The following CCDC88C variants were observed in gnomAD, a reference collection of about 807,000 sequenced individuals.
CCDC88C encodes protein Daple.
A neutral mutation model predicts 198.8 loss-of-function variants in CCDC88C; 131 were observed. The ratio of observed to expected loss-of-function variants is 0.66; its 90% CI spans 0.57 to 0.76. The LOEUF (loss-of-function observed/expected upper bound fraction) is 0.76, where lower values mean the gene tolerates loss of function less well. Ranked by LOEUF, CCDC88C falls within the 30% of genes least tolerant of loss-of-function variation. CCDC88C has a pLI of 0.00. For missense variants in CCDC88C, 2,553 were observed against 2,631.6 expected (o/e 0.97, Z 0.65); for synonymous variants, 1,166 against 1,114.7 (o/e 1.05, Z -0.92).
At position 91,285,922 on chromosome 14, in the gene CCDC88C, C is replaced by G. The variant is rs966544953; in HGVS notation, c.4442-2405G>C. The G allele has an allele frequency of 3.9e-6, 3 of 776,262 alleles. No homozygotes were observed. The African/African-American group carries it at 5.5e-5, about 14-fold the overall frequency. 48.1% of individuals were successfully genotyped at this position (776,262 alleles called of 1,614,324 possible). A position where few individuals can be genotyped will look rare whatever the true frequency, so the allele number is the denominator to read the frequency against. On this transcript the variant is annotated intron_variant, in intron 25 of 29. Coordinates refer to ENST00000389857, the MANE Select transcript of CCDC88C (RefSeq NM_001080414.4). The stretch of plus-strand genomic sequence containing the variant: ...AAATGAACAATAATGACAAATGAAT[C>G]GAAATTAGCTAAATGTACTTAAGAA...
At chr14:91,281,619 G>A (rs546197796) in intron 26 of CCDC88C, 94 bp from the exon 27 acceptor site, 9 of 1,061,826 alleles carry the variant, frequency 8.5e-6, no homozygotes, top group Non-Finnish European at 1.3e-5. Context: ...GATCCCAGTA[G>A]CTCCAGCTCT....
intron 4 of CCDC88C, among the ~76,000 whole-genome samples, chr14:91,344,735 G>A (rs1893454321): frequency 6.6e-6 from 1 of 151,250 alleles, no homozygotes; most frequent in South Asian, 2.1e-4. Flanking sequence ...TCCTGACCTC[G>A]TGATCCGCCC....
chr14:91,353,524 G>A (rs1199460259), intron 4 of CCDC88C, among the ~76,000 whole-genome samples: 1 of 152,218 alleles, frequency 6.6e-6, no homozygotes, highest in African/African-American at 2.4e-5. Context: ...CTCCTTTTGT[G>A]AGCCTCTGGC....
chr14:91,303,994 A>C lies in CCDC88C; in HGVS notation c.3358-16T>G. 6.3e-7 allele frequency: 1 copy of C among 1,592,562 alleles called. No homozygotes were observed. Among genetic ancestry groups the C allele is most frequent in the Non-Finnish European group, 8.5e-7 (1 of 1,171,774 alleles). On this transcript the variant is annotated splice_polypyrimidine_tract_variant and intron_variant, in intron 19 of 29. Transcript: ENST00000389857. ...AGTTCTCCACCTGCCGAGAGGGAGA[A>C]GCGCGGCGTGGCGCAGGCCCCACAG... is the stretch of plus-strand genomic sequence containing the variant.
intron 2 of CCDC88C, among the ~76,000 whole-genome samples, chr14:91,415,352 T>C (rs1285842): frequency 0.12 from 18,205 of 150,988 alleles, 2,110 homozygotes; most frequent in East Asian, 0.5. Flanking sequence ...TGACTTTTTT[T>C]CCTACACCCA....
At chr14:91,389,811 G>T (rs976023188) in intron 3 of CCDC88C, among the ~76,000 whole-genome samples, 1 of 151,206 alleles carries the variant, frequency 6.6e-6, no homozygotes, top group Non-Finnish European at 1.5e-5. Flanking sequence ...GGTGGCTCAC[G>T]CCTGTAATCC....
intron 3 of CCDC88C, among the ~76,000 whole-genome samples, chr14:91,398,170 T>C (rs1377945199): frequency 6.6e-6 from 1 of 152,188 alleles, no homozygotes; most frequent in Non-Finnish European, 1.5e-5. Context: ...TCCTCGCTGC[T>C]ATCTGATATG....
Position 91,271,815 on chromosome 14 carries a change from G to A in CCDC88C, c.*810C>T, listed in dbSNP as rs1889746370. ...CGCTCTGTGCGGATGACCCCTCGGTGCACTGTGCACACTGGCCTGGAGGGG... is the reference window on the plus strand; with the variant it reads ...CGCTCTGTGCGGATGACCCCTCGGTACACTGTGCACACTGGCCTGGAGGGG... On this transcript the variant is annotated 3_prime_UTR_variant, in exon 30 of 30. Transcript: ENST00000389857. The A allele has an allele frequency of 6.6e-6, 1 of 152,644 alleles. No individual in the cohort carries two copies. The highest frequency in any genetic ancestry group is 1.9e-4 in the East Asian group (1 of 5,204). The allele number at this position is 152,644 out of a possible 1,614,324, so 9.5% of individuals were successfully genotyped here. A position where few individuals can be genotyped will look rare whatever the true frequency, so the allele number is the denominator to read the frequency against.
At chr14:91,319,261 T>C (rs753487368) in intron 13 of CCDC88C, among the ~76,000 whole-genome samples, 1 of 152,226 alleles carries the variant, frequency 6.6e-6, no homozygotes, top group Non-Finnish European at 1.5e-5. Flanking sequence ...GGCCCCTTCC[T>C]GCACCTGAGA....
intron 3 of CCDC88C, among the ~76,000 whole-genome samples, chr14:91,383,018 C>T (rs2139957097): frequency 6.6e-6 from 1 of 152,322 alleles, no homozygotes; most frequent in Middle Eastern, 3.4e-3. Flanking sequence ...GCTCCTGCCT[C>T]CCGCAAAGCC....
intron 4 of CCDC88C, among the ~76,000 whole-genome samples, chr14:91,346,225 T>A (rs1893542652): frequency 6.6e-6 from 1 of 152,160 alleles, no homozygotes; most frequent in South Asian, 2.1e-4. Flanking sequence ...GATAATGACA[T>A]CATTGTCAAG....
intron 3 of CCDC88C, among the ~76,000 whole-genome samples, chr14:91,368,280 T>C (rs145417750): frequency 8.7e-4 from 133 of 152,322 alleles, no homozygotes; most frequent in African/African-American, 3.0e-3. Flanking sequence ...TCTGACACCA[T>C]ATTCCTTAAG....
chr14:91,297,387 C>T lies in CCDC88C; in HGVS notation c.3884G>A (p.Arg1295His), dbSNP rs1208542571. The change falls in exon 22 of 30, where the codon CGC (arginine) becomes CAC (histidine). Residue 1295 changes from arginine (R) to histidine (H), a missense_variant. Transcript: ENST00000389857. ...SLNNAQLELN[R>H]WQARFDELKE... is the part of the protein sequence containing the mutation. Reference sequence around the variant, plus strand: ...CAGCTCGTCGAAGCGGGCCTGCCAGCGGTTGAGCTCCAGCTGCGCGTTGTT... The same window carrying T: ...CAGCTCGTCGAAGCGGGCCTGCCAGTGGTTGAGCTCCAGCTGCGCGTTGTT... 1.4e-5 allele frequency: 22 copies of T among 1,613,236 alleles called. No homozygotes were observed. The highest frequency in any genetic ancestry group is 8.8e-5 in the South Asian group (8 of 90,840).
chr14:91,306,013 A>C, intron 18 of CCDC88C, 87 bp from the exon 19 acceptor site: 1 of 1,416,644 alleles, frequency 7.1e-7, no homozygotes, highest in Non-Finnish European at 9.7e-7. Context: ...ACGAACCCTC[A>C]AAAGTTGATG....
rs888028131 is a variant in CCDC88C, at chr14:91,325,832, G to C, written c.1197+78C>G. On this transcript the variant is annotated intron_variant, in intron 11 of 29. Transcript: ENST00000389857. The surrounding 1 kb of genome is among the most constrained non-coding windows in gnomAD (Gnocchi z 4.1). ...GATCCTCCCACCTTAGCCTCCCAAA[G>C]TGCTGGGATTACAGGCATGAGCCAC... 3 of 1,418,860 alleles carry C rather than the reference G, an allele frequency of 2.1e-6. No homozygotes were observed. The highest frequency in any genetic ancestry group is 2.9e-5 in the African/African-American group (2 of 69,690). 87.9% of individuals were successfully genotyped at this position (1,418,860 alleles called of 1,614,324 possible). A position where few individuals can be genotyped will look rare whatever the true frequency, so the allele number is the denominator to read the frequency against.
rs376479371 is a variant in CCDC88C at position 91,291,013 on chromosome 14, T to C, written c.4184A>G (p.Tyr1395Cys). Residue 1395 changes from tyrosine (Y) to cysteine (C), a missense_variant, in exon 24 of 30, where the codon TAT (tyrosine) becomes TGT (cysteine). Physicochemically the swap from Tyr to Cys is radical, Grantham distance 194. Transcript: ENST00000389857. ...AACTCACTTCTTTGGAGGAGGATCA[T>C]AGAACTTGTATTGATCCATGATTTT... ...EEKIMDQYKFYDPPPKKKNHW... is the reference protein window; with the variant it reads ...EEKIMDQYKFCDPPPKKKNHW... 8.2e-6 allele frequency: 13 copies of C among 1,585,804 alleles called. 1 individual carries two copies. In the African/African-American group the frequency reaches 9.4e-5, roughly 11 times the overall value.
At chr14:91,335,705 C>T (rs1278155969) in intron 10 of CCDC88C, among the ~76,000 whole-genome samples, 6 of 152,144 alleles carry the variant, frequency 3.9e-5, no homozygotes, top group East Asian at 1.9e-4. Flanking sequence ...TTAATGTCAC[C>T]GCATGAAGAA....
At chr14:91,387,383 C>A (rs549196098) in intron 3 of CCDC88C, among the ~76,000 whole-genome samples, 2 of 152,262 alleles carry the variant, frequency 1.3e-5, no homozygotes, top group Admixed American at 6.5e-5. Flanking sequence ...CGGTTACACT[C>A]CGCTGCGTCT....
At chr14:91,384,945 A>G (rs1885040255) in intron 3 of CCDC88C, among the ~76,000 whole-genome samples, 1 of 152,324 alleles carries the variant, frequency 6.6e-6, no homozygotes, top group East Asian at 1.9e-4. Context: ...TACAGTTCCC[A>G]TCCTCTAAAG....
Sources: gnomAD v4.1 joint callset for allele counts (sites outside exome capture counted in the v4.1 genomes callset) on GRCh38, gnomAD v4.1.1 for gene constraint, Gnocchi (gnomAD v3.1) non-coding constraint, MANE v1.5 for transcripts, NCBI Gene and HGNC (gene_info 2026-07-23, HGNC 2026-07-21) for gene names.